MRGBP: variants seen among roughly 807,000 people sequenced by gnomAD.
The protein encoded by MRGBP is MRG/MORF4L-binding protein.
In MRGBP, 5 loss-of-function variants were observed where a neutral mutation model predicts 21.5. The ratio of observed to expected loss-of-function variants is 0.23; its 90% CI spans 0.12 to 0.49. The LOEUF is 0.49. Among genes scored for constraint, MRGBP ranks in the 20% least tolerant of loss-of-function variants. MRGBP has a pLI of 0.98. For missense variants in MRGBP, 227 were observed against 277.4 expected, an observed-to-expected ratio of 0.82 and a Z score of 1.29; for synonymous variants, 118 against 104.4, an observed-to-expected ratio of 1.13 and a Z score of -0.79.
Position 62,796,676 on chromosome 20 carries a change from G to A in MRGBP, c.148+5G>A. The A allele has an allele frequency of 7.7e-7, 1 of 1,299,754 alleles. No homozygotes were observed. The highest frequency in any genetic ancestry group is 9.8e-7 in the Non-Finnish European group (1 of 1,020,810). 80.5% of individuals were successfully genotyped at this position (1,299,754 alleles called of 1,614,324 possible). On this transcript the variant is annotated splice_donor_5th_base_variant and intron_variant, in intron 1 of 4. Coordinates refer to ENST00000370487, the MANE Select transcript of MRGBP (RefSeq NM_018270.6). ...TGCTGGGCCACAAGCCCGTCGGTGA[G>A]CGCCCAGGCTGCGGACGCGCGTGGG...
In MRGBP at chr20:62,796,487, TC is replaced by T. The variant is rs1277502446; in HGVS notation, c.-34del. 28 of 1,109,780 alleles carry T rather than the reference TC, an allele frequency of 2.5e-5. No homozygotes were observed. Among genetic ancestry groups the T allele is most frequent in the Non-Finnish European group, 2.9e-5 (26 of 909,820 alleles). 68.7% of individuals were successfully genotyped at this position (1,109,780 alleles called of 1,614,324 possible). ...GCGCGGAGCTCGTGGCCGCGCCTGCTCCCGCCGGGGGCTCCTTGCTCGGCCG... is the reference window on the plus strand; with the variant it reads ...GCGCGGAGCTCGTGGCCGCGCCTGCTCCGCCGGGGGCTCCTTGCTCGGCCG... On this transcript the variant is annotated 5_prime_UTR_variant, in exon 1 of 5. Coordinates refer to ENST00000370487, the MANE Select transcript of MRGBP (RefSeq NM_018270.6).
chr20:62,796,740 G>A, intron 1 of MRGBP, 69 bp downstream of exon 1: 4 of 1,179,858 alleles, frequency 3.4e-6, no homozygotes, highest in Non-Finnish European at 4.2e-6. Flanking sequence ...CGGGGCCTGC[G>A]CTCGCGACAC....
In MRGBP at chr20:62,801,275, C is replaced by T. The variant is rs769620727; in HGVS notation, c.*1632C>T. 37 of 152,282 alleles carry T rather than the reference C, an allele frequency of 2.4e-4. No individual in the cohort carries two copies. Among genetic ancestry groups the T allele is most frequent in the African/African-American group, 6.3e-4 (26 of 41,536 alleles). 9.4% of individuals were successfully genotyped at this position (152,282 alleles called of 1,614,324 possible). A position where few individuals can be genotyped will look rare whatever the true frequency, so the allele number is the denominator to read the frequency against. ...CCTGTGGGTCCCTTTTCTATAGAGC[C>T]GGGACAAATCCACAGCCCTGCAGTA... On this transcript the variant is annotated 3_prime_UTR_variant, in exon 5 of 5. Coordinates refer to ENST00000370487, the MANE Select transcript of MRGBP (RefSeq NM_018270.6).
chr20:62,799,134 C>A, intron 4 of MRGBP, 85 bp downstream of exon 4: 1 of 1,421,622 alleles, frequency 7.0e-7, no homozygotes, highest in Non-Finnish European at 9.7e-7. Context: ...GTCAGGTGGG[C>A]GTAGAGCCTG....
chr20:62,797,220 A>G lies in MRGBP; in HGVS notation c.259A>G (p.Met87Val). ...IWDHLSTMYD[M>V]QALHESEILP... ...GGACCATCTGAGCACCATGTACGACATGCAGGCGCTGGTGAGCCCAACCGC... is the reference window on the plus strand; with the variant it reads ...GGACCATCTGAGCACCATGTACGACGTGCAGGCGCTGGTGAGCCCAACCGC... Residue 87 changes from methionine to valine, a missense_variant, in exon 2 of 5, where the codon ATG (methionine) becomes GTG (valine). Met to Val is a conservative substitution (Grantham distance 21). Coordinates refer to ENST00000370487, the MANE Select transcript of MRGBP (RefSeq NM_018270.6). 6.3e-7 allele frequency: 1 copy of G among 1,589,842 alleles called. No individual in the cohort carries two copies. The highest frequency in any genetic ancestry group is 2.3e-5 in the East Asian group (1 of 42,590).
intron 3 of MRGBP, 46 bp from the exon 4 acceptor site, chr20:62,798,929 G>A (rs771128804): frequency 1.2e-6 from 2 of 1,611,990 alleles, no homozygotes; most frequent in Non-Finnish European, 1.7e-6. Flanking sequence ...CCCAGCGTCG[G>A]CCACCACCGT....
rs1990336264 is a variant in MRGBP, at chr20:62,796,508, C to T, written c.-16C>T. ...CTGCTCCCGCCGGGGGCTCCTTGCTCGGCCGGGCCGCGGCCATGGGAGAGG... is the reference window on the plus strand; with the variant it reads ...CTGCTCCCGCCGGGGGCTCCTTGCTTGGCCGGGCCGCGGCCATGGGAGAGG... On this transcript the variant is annotated 5_prime_UTR_variant, in exon 1 of 5. Coordinates refer to ENST00000370487, the MANE Select transcript of MRGBP (RefSeq NM_018270.6). The T allele has an allele frequency of 3.5e-6, 4 of 1,137,160 alleles. No homozygotes were observed. Among genetic ancestry groups the T allele is most frequent in the Non-Finnish European group, 3.2e-6 (3 of 927,132 alleles). The allele number at this position is 1,137,160 out of a possible 1,614,324, so 70.4% of individuals were successfully genotyped here.
In MRGBP at chr20:62,799,788, T is replaced by A; in HGVS notation, c.*145T>A. The stretch of plus-strand genomic sequence containing the variant: ...CACTGCCCGCCCTCAGGCTCTCAGG[T>A]GAACGTGGCCGTCAGCGGGGAAACG... On this transcript the variant is annotated 3_prime_UTR_variant, in exon 5 of 5. Transcript: ENST00000370487. The A allele has an allele frequency of 1.1e-6, 1 of 889,764 alleles. No homozygotes were observed. The highest frequency in any genetic ancestry group is 1.7e-6 in the Non-Finnish European group (1 of 602,416). 55.1% of individuals were successfully genotyped at this position (889,764 alleles called of 1,614,324 possible).
intron 2 of MRGBP, 79 bp from the exon 3 acceptor site, chr20:62,798,508 C>G (rs1990384497): frequency 2.4e-6 from 3 of 1,253,190 alleles, no homozygotes; most frequent in Non-Finnish European, 3.5e-6. Context: ...CCCCAAGTGG[C>G]TCTTACACGG....
At chr20:62,797,335 G>C in intron 2 of MRGBP, 104 bp downstream of exon 2, 1 of 1,414,894 alleles carries the variant, frequency 7.1e-7, no homozygotes, top group Non-Finnish European at 9.3e-7. Flanking sequence ...CATGTCTGCT[G>C]GGGTCTGCTG....
At chr20:62,799,403 A>C (rs961288626) in intron 4 of MRGBP, 53 bp from the exon 5 acceptor site, 7 of 1,567,350 alleles carry the variant, frequency 4.5e-6, no homozygotes, top group Non-Finnish European at 6.1e-6. Context: ...CAGGAAGACA[A>C]AAATAAGATT....
At position 62,796,594 on chromosome 20, in the gene MRGBP, C is replaced by A; in HGVS notation, c.71C>A (p.Pro24Gln). 7.8e-7 allele frequency: 1 copy of A among 1,283,412 alleles called. No individual in the cohort carries two copies. The highest frequency in any genetic ancestry group is 9.9e-7 in the Non-Finnish European group (1 of 1,011,266). The allele number at this position is 1,283,412 out of a possible 1,614,324, so 79.5% of individuals were successfully genotyped here. ...GGCCCGGGGGAGGCGGCCACCAGCC[C>A]GGCGGAGGAGACAGTGGTGTGGAGC... ...DKGPGEAATS[P>Q]AEETVVWSPE... The change falls in exon 1 of 5, where the codon CCG (proline) becomes CAG (glutamine). Residue 24 changes from proline (P) to glutamine (Q), a missense_variant. Pro to Gln is a moderately conservative substitution (Grantham distance 76, BLOSUM62 -1). Transcript: ENST00000370487.
chr20:62,799,840 C>G lies in MRGBP; in HGVS notation c.*197C>G. Reference sequence around the variant, plus strand: ...GTGTGTCAGTTGGACCATGTGGGACCCTGATGGACCTGAAAGACCAGGATC... The same window carrying G: ...GTGTGTCAGTTGGACCATGTGGGACGCTGATGGACCTGAAAGACCAGGATC... On this transcript the variant is annotated 3_prime_UTR_variant, in exon 5 of 5. Transcript: ENST00000370487. The G allele has an allele frequency of 1.7e-6, 1 of 583,572 alleles. No homozygotes were observed. The allele number at this position is 583,572 out of a possible 1,614,324, so 36.1% of individuals were successfully genotyped here. A position where few individuals can be genotyped will look rare whatever the true frequency, so the allele number is the denominator to read the frequency against.
Position 62,799,693 on chromosome 20 carries a change from T to C in MRGBP, c.*50T>C. 1 of 1,563,250 alleles carries C rather than the reference T, an allele frequency of 6.4e-7. No individual in the cohort carries two copies. The highest frequency in any genetic ancestry group is 1.2e-5 in the South Asian group (1 of 85,544). ...GAAGCGGGCGAGGCACTGTGGTCGCTGAGGGGGTTGGCTGGGTCTGAGTGC... is the reference window on the plus strand; with the variant it reads ...GAAGCGGGCGAGGCACTGTGGTCGCCGAGGGGGTTGGCTGGGTCTGAGTGC... On this transcript the variant is annotated 3_prime_UTR_variant, in exon 5 of 5. Coordinates refer to ENST00000370487, the MANE Select transcript of MRGBP (RefSeq NM_018270.6).
Position 62,799,057 on chromosome 20 carries a change from T to TG in MRGBP, c.427+10dup, listed in dbSNP as rs1990397592. The stretch of plus-strand genomic sequence containing the variant: ...ACAATGGGGCTGACGATGGTGAGTG[T>TG]GGAGCTCACCCTGCCCTGATGCCCT... On this transcript the variant is annotated intron_variant, in intron 4 of 4. Transcript: ENST00000370487. The TG allele has an allele frequency of 6.2e-7, 1 of 1,606,320 alleles. No individual in the cohort carries two copies. The highest frequency in any genetic ancestry group is 1.3e-5 in the African/African-American group (1 of 74,816).
At chr20:62,797,050 C>T (rs1477757073) in intron 1 of MRGBP, 60 bp from the exon 2 acceptor site, 25 of 1,524,220 alleles carry the variant, frequency 1.6e-5, no homozygotes, top group Admixed American at 5.9e-5. Context: ...GCAGCCCGTC[C>T]CCTCCATCCC....
intron 2 of MRGBP, among the ~76,000 whole-genome samples, chr20:62,797,472 G>A (rs1330813158): frequency 2.6e-5 from 4 of 152,198 alleles, no homozygotes; most frequent in South Asian, 4.1e-4. Context: ...AGTGAGGCTC[G>A]TCCTTAAGGA....
chr20:62,798,920 C>A, intron 3 of MRGBP, 55 bp from the exon 4 acceptor site: 1 of 1,610,174 alleles, frequency 6.2e-7, no homozygotes, highest in South Asian at 1.1e-5. Context: ...TGACCATCCC[C>A]CAGCGTCGGC....
chr20:62,796,617 A>T lies in MRGBP; in HGVS notation c.94A>T (p.Ser32Cys). ...CCCGGCGGAGGAGACAGTGGTGTGG[A>T]GCCCCGAGGTGGAGGTGTGCCTCTT... Reference protein sequence around the residue: ...TSPAEETVVWSPEVEVCLFHA... With the variant: ...TSPAEETVVWCPEVEVCLFHA... Residue 32 changes from serine to cysteine, a missense_variant, in exon 1 of 5, where the codon AGC becomes TGC. Ser to Cys is a moderately radical substitution (Grantham distance 112, BLOSUM62 -1). Transcript: ENST00000370487. 7.5e-7 allele frequency: 1 copy of T among 1,326,108 alleles called. No homozygotes were observed. The highest frequency in any genetic ancestry group is 2.7e-4 in the Middle Eastern group (1 of 3,664). 82.1% of individuals were successfully genotyped at this position (1,326,108 alleles called of 1,614,324 possible). A position where few individuals can be genotyped will look rare whatever the true frequency, so the allele number is the denominator to read the frequency against.
Sources: gnomAD v4.1 joint callset for allele counts (sites outside exome capture counted in the v4.1 genomes callset) on GRCh38, gnomAD v4.1.1 for gene constraint, MANE v1.5 for transcripts, NCBI Gene and HGNC (gene_info 2026-07-23, HGNC 2026-07-21) for gene names.